Variants in DLC1 observed in about 807,000 individuals in gnomAD.
DLC1 encodes DLC1 Rho GTPase activating protein, also known as rho GTPase-activating protein 7.
A neutral mutation model predicts 140.3 loss-of-function variants in DLC1; 54 were observed. The ratio of observed to expected loss-of-function variants is 0.38; its 90% CI spans 0.31 to 0.48. DLC1 has a LOEUF of 0.48. Among genes scored for constraint, DLC1 ranks in the 20% least tolerant of loss-of-function variants. The pLI is 0.96. For synonymous variants in DLC1, 986 were observed against 728.1 expected, an observed-to-expected ratio of 1.35 and a Z score of -5.70; for missense variants, 2,536 against 1,907.0, an observed-to-expected ratio of 1.33 and a Z score of -6.14.
intron 2 of DLC1, among the ~76,000 whole-genome samples, chr8:13,439,094 A>G (rs181489220): frequency 1.1e-4 from 17 of 152,250 alleles, no homozygotes; most frequent in African/African-American, 3.1e-4. Context: ...TGGGAGGCCA[A>G]GGTGGGTAGA....
chr8:13,307,666 T>A (rs1184227916), intron 4 of DLC1, among the ~76,000 whole-genome samples: 1 of 152,220 alleles, frequency 6.6e-6, no homozygotes, highest in East Asian at 1.9e-4. Flanking sequence ...AATTAAAGAA[T>A]GTTCCTGGAG....
chr8:13,345,839 A>G (rs1671338), intron 4 of DLC1, among the ~76,000 whole-genome samples: 146,646 of 152,234 alleles, frequency 0.96, 70,892 homozygotes, highest in Middle Eastern at 1. Flanking sequence ...GATTACAGGC[A>G]TCAGCCGCTG....
At chr8:13,171,317 A>C (rs1485388712) in intron 5 of DLC1, among the ~76,000 whole-genome samples, 1 of 152,238 alleles carries the variant, frequency 6.6e-6, no homozygotes, top group Non-Finnish European at 1.5e-5. Flanking sequence ...ATGATTAAAA[A>C]AAATTCTAAT....
intron 2 of DLC1, among the ~76,000 whole-genome samples, chr8:13,424,374 A>G (rs890965505): frequency 6.6e-6 from 1 of 152,020 alleles, no homozygotes; most frequent in Admixed American, 6.6e-5. Flanking sequence ...CTGTAATCCC[A>G]GGTACTCTGG....
intron 5 of DLC1, among the ~76,000 whole-genome samples, chr8:13,231,374 T>C (rs1375090848): frequency 6.6e-6 from 1 of 152,238 alleles, no homozygotes; most frequent in Non-Finnish European, 1.5e-5. Flanking sequence ...GATGACTGTG[T>C]GCATTTGGGC....
chr8:13,388,257 T>A (rs1165172099), intron 4 of DLC1, among the ~76,000 whole-genome samples: 1 of 152,018 alleles, frequency 6.6e-6, no homozygotes, highest in African/African-American at 2.4e-5. Flanking sequence ...TTTTAAGTAG[T>A]GCTACCATTA....
intron 5 of DLC1, among the ~76,000 whole-genome samples, chr8:13,134,938 A>G (rs939344767): frequency 5.9e-5 from 9 of 152,194 alleles, no homozygotes; most frequent in African/African-American, 1.9e-4. Flanking sequence ...CTGAGGGTGC[A>G]AAGGCTACAG....
intron 1 of DLC1, among the ~76,000 whole-genome samples, chr8:13,556,764 C>G (rs1804060146): frequency 6.6e-6 from 1 of 152,316 alleles, no homozygotes; most frequent in African/African-American, 2.4e-5. Context: ...GTGGGAAAAA[C>G]ATATGCTTAT....
At chr8:13,594,023 G>A (rs1479123421) in intron 1 of DLC1, among the ~76,000 whole-genome samples, 2 of 152,038 alleles carry the variant, frequency 1.3e-5, no homozygotes, top group Admixed American at 6.6e-5. Flanking sequence ...ATCTGGACAT[G>A]GTGGTTCATG....
At chr8:13,122,319 C>T (rs756467397) in intron 5 of DLC1, among the ~76,000 whole-genome samples, 4 of 152,172 alleles carry the variant, frequency 2.6e-5, no homozygotes, top group Non-Finnish European at 5.9e-5. Context: ...GCTTTCCAAA[C>T]TCCTTGGAGT....
Position 13,594,364 on chromosome 8 carries a change from G to T in DLC1, c.-126+10173C>A, listed in dbSNP as rs183917252. On this transcript the variant is annotated intron_variant, in intron 1 of 1. Coordinates refer to the DLC1 transcript ENST00000631382. Reference sequence around the variant, plus strand: ...CTGTATCAGTTCAGAAGAGTTTTCTGTAAATGTTGTTTCTATGGCCATTGT... The same window carrying T: ...CTGTATCAGTTCAGAAGAGTTTTCTTTAAATGTTGTTTCTATGGCCATTGT... 8.9e-3 allele frequency among the ~76,000 whole-genome samples: 1,347 copies of T among 152,118 alleles called. 18 individuals carry two copies. Among genetic ancestry groups the T allele is most frequent in the Non-Finnish European group, 0.012 (827 of 67,962 alleles).
rs369773134 is a variant in DLC1, at chr8:13,579,315, TTATATATATATATATATATA to T, written c.-126+25202_-126+25221del. 9.6e-3 allele frequency among the ~76,000 whole-genome samples: 102 copies of T among 10,660 alleles called. 13 individuals are homozygous for T. The highest frequency in any genetic ancestry group is 0.02 in the East Asian group (6 of 296). The allele number at this position is 10,660 out of a possible 152,430, so 7.0% of individuals were successfully genotyped here. A position where few individuals can be genotyped will look rare whatever the true frequency, so the allele number is the denominator to read the frequency against. ...AAAGTCAGATACCACAGGTCTGACT[TTATATATATATATATATATA>T]TATATATATATATATATATATATAT... On this transcript the variant is annotated intron_variant, in intron 1 of 1. Transcript: ENST00000631382.
rs190162538 is a variant in DLC1, at chr8:13,418,136, T to C, written c.1024-16517A>G. 8.9e-3 allele frequency among the ~76,000 whole-genome samples: 1,362 copies of C among 152,326 alleles called. 23 individuals are homozygous for C. The highest frequency in any genetic ancestry group is 0.031 in the African/African-American group (1,309 of 41,578). On this transcript the variant is annotated intron_variant, in intron 2 of 17. Transcript: ENST00000276297. ...TTAGCCCTTTGTCAGATGAGTAGGC[T>C]GCGAAAATTTTCTCCCATTTTGTAA... is the stretch of plus-strand genomic sequence containing the variant.
chr8:13,514,618 T>A lies in DLC1; in HGVS notation c.-142A>T. On this transcript the variant is annotated 5_prime_UTR_variant, in exon 1 of 18. Transcript: ENST00000276297. ...GCGTCTTACCTAGACAACGAGGAGC[T>A]GAAACGCCAAGGCATGACACTGCTC... The A allele has an allele frequency of 2.5e-6, 1 of 398,552 alleles. No homozygotes were observed. Among genetic ancestry groups the A allele is most frequent in the South Asian group, 1.3e-4 (1 of 7,860 alleles). The allele number at this position is 398,552 out of a possible 1,614,324, so 24.7% of individuals were successfully genotyped here.
chr8:13,181,191 A>C (rs534557468), intron 5 of DLC1, among the ~76,000 whole-genome samples: 1 of 151,956 alleles, frequency 6.6e-6, no homozygotes. Flanking sequence ...ATTTGCTCTC[A>C]CTCCAAAACC....
chr8:13,179,027 C>G (rs1825899664), intron 5 of DLC1, among the ~76,000 whole-genome samples: 1 of 152,064 alleles, frequency 6.6e-6, no homozygotes, highest in South Asian at 2.1e-4. Flanking sequence ...GATACAAATG[C>G]CCATCAACAA....
intron 4 of DLC1, among the ~76,000 whole-genome samples, chr8:13,325,378 T>C (rs1301657378): frequency 6.6e-6 from 1 of 152,174 alleles, no homozygotes; most frequent in East Asian, 1.9e-4. Context: ...GCTTCCCATA[T>C]TCCTACTAAA....
chr8:13,380,433 T>C (rs1334548456), intron 4 of DLC1, among the ~76,000 whole-genome samples: 1 of 152,224 alleles, frequency 6.6e-6, no homozygotes, highest in Non-Finnish European at 1.5e-5. Flanking sequence ...GAAAACCCAT[T>C]GTTTAATATT....
chr8:13,386,085 C>T (rs557720190), intron 4 of DLC1, among the ~76,000 whole-genome samples: 1 of 151,962 alleles, frequency 6.6e-6, no homozygotes, highest in African/African-American at 2.4e-5. Flanking sequence ...TTCTCTTGGA[C>T]GAAAATATGA....
Sources: gnomAD v4.1 joint callset for allele counts (sites outside exome capture counted in the v4.1 genomes callset) on GRCh38, gnomAD v4.1.1 for gene constraint, MANE v1.5 for transcripts, NCBI Gene and HGNC (gene_info 2026-07-23, HGNC 2026-07-21) for gene names.